Variants in PDZD2 observed in about 807,000 individuals in gnomAD.
PDZD2 encodes PDZ domain-containing protein 2.
Under a neutral mutation model 220.7 loss-of-function variants are expected in PDZD2, and 90 were observed. That is an observed-to-expected ratio of 0.41 (90% confidence interval 0.34 to 0.49). PDZD2 has a LOEUF of 0.49. PDZD2 is among the 20% of genes least tolerant of loss of function. The probability of loss-of-function intolerance (pLI) is 0.28; values close to 1 mark genes in which losing one functional copy is unlikely to be tolerated. For missense variants in PDZD2, 3,174 were observed against 3,608.5 expected (o/e 0.88, Z 3.08); for synonymous variants, 1,375 against 1,450.5 (o/e 0.95, Z 1.18).
intron 2 of PDZD2, among the ~76,000 whole-genome samples, chr5:31,830,864 T>C (rs1352514312): frequency 3.3e-5 from 5 of 152,250 alleles, no homozygotes; most frequent in Non-Finnish European, 7.3e-5. Context: ...TTCTTTGCTT[T>C]TCCTGACCAA....
intron 19 of PDZD2, among the ~76,000 whole-genome samples, chr5:32,080,184 T>TA (rs1741778491): frequency 6.6e-6 from 1 of 151,628 alleles, no homozygotes; most frequent in South Asian, 2.1e-4. Flanking sequence ...CCATCTCTAC[T>TA]AAAAATACAA....
At chr5:31,678,205 A>G (rs1235834465) in intron 1 of PDZD2, among the ~76,000 whole-genome samples, 1 of 152,088 alleles carries the variant, frequency 6.6e-6, no homozygotes, top group Non-Finnish European at 1.5e-5. Flanking sequence ...TAGTGAGAAT[A>G]CCCTGGAGGA....
intron 2 of PDZD2, among the ~76,000 whole-genome samples, chr5:31,909,884 A>G (rs2150366685): frequency 6.6e-6 from 1 of 152,324 alleles, no homozygotes; most frequent in East Asian, 1.9e-4. Flanking sequence ...ATTTATATTC[A>G]TGTACGGTGC....
chr5:31,916,462 C>A (rs746813469), intron 2 of PDZD2, among the ~76,000 whole-genome samples: 20 of 152,368 alleles, frequency 1.3e-4, no homozygotes, highest in Non-Finnish European at 2.5e-4. Flanking sequence ...AGTGCCTGTT[C>A]ATCTTTTTGT....
chr5:31,688,289 G>T (rs1388413992), intron 1 of PDZD2, among the ~76,000 whole-genome samples: 1 of 152,120 alleles, frequency 6.6e-6, no homozygotes, highest in Non-Finnish European at 1.5e-5. Context: ...TGGAGTTGCA[G>T]ATAGAAACTG....
At chr5:32,104,717 A>G (rs1371197207) in intron 24 of PDZD2, among the ~76,000 whole-genome samples, 2 of 34,670 alleles carry the variant, frequency 5.8e-5, no homozygotes, top group Non-Finnish European at 1.1e-4. Context: ...GGCTCCATCT[A>G]AAAAAAAAAA....
intron 2 of PDZD2, among the ~76,000 whole-genome samples, chr5:31,972,103 TG>T (rs1290746063): frequency 2.0e-5 from 3 of 152,178 alleles, no homozygotes; most frequent in African/African-American, 7.2e-5. Context: ...CTTTGCATGC[TG>T]GAACCTTTGT....
At chr5:31,821,040 C>G (rs1027105585) in intron 2 of PDZD2, among the ~76,000 whole-genome samples, 1 of 151,678 alleles carries the variant, frequency 6.6e-6, no homozygotes, top group Non-Finnish European at 1.5e-5. Flanking sequence ...AGATCTTAAT[C>G]TTTTTACCCC....
chr5:31,979,159 G>A (rs913516117), intron 2 of PDZD2, among the ~76,000 whole-genome samples: 6 of 152,124 alleles, frequency 3.9e-5, no homozygotes, highest in Non-Finnish European at 5.9e-5. Context: ...GAGATTTAAC[G>A]TATTTAATAA....
At chr5:31,767,819 C>A (rs1234459929) in intron 1 of PDZD2, among the ~76,000 whole-genome samples, 1 of 152,252 alleles carries the variant, frequency 6.6e-6, no homozygotes, top group Non-Finnish European at 1.5e-5. Context: ...TTGATCCATA[C>A]TCCTTAAAAG....
At chr5:31,888,589 A>C (rs1207675989) in intron 2 of PDZD2, among the ~76,000 whole-genome samples, 1 of 152,206 alleles carries the variant, frequency 6.6e-6, no homozygotes, top group African/African-American at 2.4e-5. Flanking sequence ...TTGGCTGTTA[A>C]TGAGGTGGTT....
chr5:31,892,103 C>T (rs1741103029), intron 2 of PDZD2, among the ~76,000 whole-genome samples: 1 of 151,830 alleles, frequency 6.6e-6, no homozygotes, highest in Non-Finnish European at 1.5e-5. Flanking sequence ...GTAGAGATGT[C>T]TCATAATGAT....
intron 2 of PDZD2, among the ~76,000 whole-genome samples, chr5:31,890,984 C>T (rs370781464): frequency 1.1e-4 from 16 of 152,256 alleles, no homozygotes; most frequent in African/African-American, 3.6e-4. Context: ...GTCTGGCAAC[C>T]GTATTAACAC....
chr5:31,881,565 A>T (rs1739927599), intron 2 of PDZD2, among the ~76,000 whole-genome samples: 1 of 150,864 alleles, frequency 6.6e-6, no homozygotes, highest in African/African-American at 2.4e-5. Flanking sequence ...TTTAGTAGAG[A>T]CGGGGTTTCA....
chr5:31,748,703 G>T (rs140920661), intron 1 of PDZD2, among the ~76,000 whole-genome samples: 232 of 152,370 alleles, frequency 1.5e-3, no homozygotes, highest in African/African-American at 5.2e-3. Context: ...TCTCCAGTTT[G>T]CTGCTTGTCA....
chr5:31,948,485 C>A (rs1172306204), intron 2 of PDZD2, among the ~76,000 whole-genome samples: 2 of 152,168 alleles, frequency 1.3e-5, no homozygotes, highest in African/African-American at 4.8e-5. Flanking sequence ...ATAAAGCTTT[C>A]TTTTCCTCCC....
chr5:31,693,969 T>C (rs1747256411), intron 1 of PDZD2, among the ~76,000 whole-genome samples: 1 of 152,214 alleles, frequency 6.6e-6, no homozygotes, highest in Non-Finnish European at 1.5e-5. Flanking sequence ...GTCAAAGCCC[T>C]TTTTGAAATG....
intron 6 of PDZD2, among the ~76,000 whole-genome samples, chr5:32,013,060 A>AT (rs1429733955): frequency 1.3e-5 from 2 of 151,880 alleles, no homozygotes; most frequent in Admixed American, 6.6e-5. Flanking sequence ...TGGCTTTCTA[A>AT]TTTTTTTTCT....
At chr5:31,734,051 A>C (rs1749696437) in intron 1 of PDZD2, among the ~76,000 whole-genome samples, 1 of 152,206 alleles carries the variant, frequency 6.6e-6, no homozygotes, top group Non-Finnish European at 1.5e-5. Context: ...GTAAAATCAG[A>C]ATTTCCAAAA....
Sources: gnomAD v4.1 joint callset for allele counts (sites outside exome capture counted in the v4.1 genomes callset) on GRCh38, gnomAD v4.1.1 for gene constraint, MANE v1.5 for transcripts, NCBI Gene and HGNC (gene_info 2026-07-23, HGNC 2026-07-21) for gene names.